Variants in RFX2 observed in about 807,000 individuals in gnomAD.
RFX2 encodes regulatory factor X2.
In RFX2, 20 loss-of-function variants were observed where a neutral mutation model predicts 87.8. The observed-to-expected ratio is 0.23, with a 90% CI of 0.16 to 0.33. RFX2 has a LOEUF of 0.33. Among genes scored for constraint, RFX2 ranks in the 10% least tolerant of loss-of-function variants. The pLI, the probability that RFX2 is intolerant of heterozygous loss-of-function variation, is 1.00. For synonymous variants in RFX2, 397 were observed against 431.3 expected (o/e 0.92, Z 0.98); for missense variants, 767 against 1,012.3 (o/e 0.76, Z 3.29).
chr19:6,039,646 T>C lies in RFX2; in HGVS notation c.522+334A>G, dbSNP rs1017969883. 1.3e-5 allele frequency among the ~76,000 whole-genome samples: 2 copies of C among 152,196 alleles called. No individual in the cohort carries two copies. The highest frequency in any genetic ancestry group is 2.4e-5 in the African/African-American group (1 of 41,458). On this transcript the variant is annotated intron_variant, in intron 5 of 17. Coordinates refer to ENST00000303657, the MANE Select transcript of RFX2 (RefSeq NM_000635.4). The surrounding 1 kb of genome is among the most constrained non-coding windows in gnomAD (Gnocchi z 5.2). Reference sequence around the variant, plus strand: ...TTGATCCACGCCTCTAAAAGCTTGATAGTAACAACGATAACAATAATAAGA... The same window carrying C: ...TTGATCCACGCCTCTAAAAGCTTGACAGTAACAACGATAACAATAATAAGA...
At chr19:6,032,487 G>C (rs768262850) in intron 5 of RFX2, among the ~76,000 whole-genome samples, 6 of 152,240 alleles carry the variant, frequency 3.9e-5, no homozygotes, top group Non-Finnish European at 8.8e-5. Context: ...TTTGAAGGCA[G>C]AGTGGTAAAT....
At chr19:6,069,229 T>C (rs1055933479) in intron 1 of RFX2, among the ~76,000 whole-genome samples, 4 of 152,198 alleles carry the variant, frequency 2.6e-5, no homozygotes, top group Non-Finnish European at 5.9e-5. Context: ...GAATGCAGGC[T>C]GGAGCCATCA....
rs1452564950 is a variant in RFX2 at position 6,007,345 on chromosome 19, G to A, written c.1248-179C>T. Among the ~76,000 whole-genome samples, 1 of 152,134 alleles carries A rather than the reference G, an allele frequency of 6.6e-6. No homozygotes were observed. The highest frequency in any genetic ancestry group is 1.5e-5 in the Non-Finnish European group (1 of 68,020). The stretch of plus-strand genomic sequence containing the variant: ...TCCATGTTGCTCCCGGCGCCTCCGT[G>A]TTTCCCCCTGTCCCTCACTGTCCAC... On this transcript the variant is annotated intron_variant, in intron 11 of 17. Transcript: ENST00000303657. This position sits in a 1 kb window ranked among gnomAD's most constrained non-coding sequence, Gnocchi z 8.2.
intron 1 of RFX2, among the ~76,000 whole-genome samples, chr19:6,104,084 G>T (rs1379312860): frequency 2.6e-5 from 4 of 151,832 alleles, no homozygotes; most frequent in African/African-American, 9.7e-5. Context: ...GCTAATAAAC[G>T]GTGGCACCAC....
intron 1 of RFX2, among the ~76,000 whole-genome samples, chr19:6,082,039 A>G (rs760629515): frequency 6.6e-6 from 1 of 152,106 alleles, no homozygotes; most frequent in Non-Finnish European, 1.5e-5. Context: ...GTGAGCTGAG[A>G]TCATGCCACT....
At position 6,010,149 on chromosome 19, in the gene RFX2, G is replaced by C. The variant is rs1200762191; in HGVS notation, c.1002C>G (p.His334Gln). 8 of 1,547,488 alleles carry C rather than the reference G, an allele frequency of 5.2e-6. No individual in the cohort carries two copies. The highest frequency in any genetic ancestry group is 6.1e-6 in the Non-Finnish European group (7 of 1,145,582). The change falls in exon 9 of 18, where the codon CAC (histidine) becomes CAG (glutamine). Residue 334 changes from histidine to glutamine, a missense_variant. Around this residue, in one of 2 missense-constraint regions of RFX2, gnomAD observed 621 missense variants for 873.0 expected, o/e 0.71. Transcript: ENST00000303657. The surrounding 1 kb of genome is among the most constrained non-coding windows in gnomAD (Gnocchi z 5.0). ...CGGGCCTCTCACCTATGTACTGCTG[G>C]TGGTGCTGGCTCTGCACGGCCATGG... ...EQTMAVQSQHHQQYIDVSHVF... is the reference protein window; with the variant it reads ...EQTMAVQSQHQQQYIDVSHVF...
rs1231789416 is a variant in RFX2 at position 6,040,998 on chromosome 19, C to T, written c.261-757G>A. 6.6e-6 allele frequency among the ~76,000 whole-genome samples: 1 copy of T among 152,180 alleles called. No homozygotes were observed. The highest frequency in any genetic ancestry group is 2.4e-5 in the African/African-American group (1 of 41,432). ...GCACACACGCAAAAGCACGTGCATA[C>T]AGACTGGTAGAACTGAATAAGGCCT... On this transcript the variant is annotated intron_variant, in intron 4 of 17. Transcript: ENST00000303657. This position sits in a 1 kb window ranked among gnomAD's most constrained non-coding sequence, Gnocchi z 6.1.
Position 6,022,430 on chromosome 19 carries a change from G to T in RFX2, c.597+3733C>A, listed in dbSNP as rs1481986740. On this transcript the variant is annotated intron_variant, in intron 6 of 17. Transcript: ENST00000303657. This position sits in a 1 kb window ranked among gnomAD's most constrained non-coding sequence, Gnocchi z 6.2. ...TTCCACACGCAGCTCTCTCCCGCAG[G>T]GTGTGCAAGTGATGTGTTTACTTTA... 6.6e-6 allele frequency among the ~76,000 whole-genome samples: 1 copy of T among 152,204 alleles called. No homozygotes were observed. The highest frequency in any genetic ancestry group is 1.5e-5 in the Non-Finnish European group (1 of 68,034).
intron 1 of RFX2, among the ~76,000 whole-genome samples, chr19:6,100,669 G>T (rs2088108154): frequency 6.6e-6 from 1 of 152,126 alleles, no homozygotes; most frequent in South Asian, 2.1e-4. Flanking sequence ...TAGGTGGGAG[G>T]CGCCATGTTG....
chr19:6,057,554 T>C (rs2087363448), intron 1 of RFX2, among the ~76,000 whole-genome samples: 1 of 152,182 alleles, frequency 6.6e-6, no homozygotes, highest in Non-Finnish European at 1.5e-5. Context: ...TGGTGATAAT[T>C]GGGGCAGAGT....
At chr19:6,071,617 T>A (rs1221540914) in intron 1 of RFX2, among the ~76,000 whole-genome samples, 1 of 152,188 alleles carries the variant, frequency 6.6e-6, no homozygotes, top group African/African-American at 2.4e-5. Context: ...TCTGTCCCCA[T>A]GAAAGTTTCA....
intron 5 of RFX2, among the ~76,000 whole-genome samples, chr19:6,032,532 C>T (rs116689230): frequency 0.015 from 2,254 of 152,250 alleles, 54 homozygotes; most frequent in African/African-American, 0.051. Context: ...AAAAGCCCAA[C>T]GCTGTGGTCC....
intron 1 of RFX2, among the ~76,000 whole-genome samples, chr19:6,097,433 G>C (rs1290557566): frequency 6.6e-6 from 1 of 152,114 alleles, no homozygotes. Flanking sequence ...CCTGCCCAAA[G>C]GACTGAGACA....
Position 6,010,021 on chromosome 19 carries a change from G to A in RFX2, c.1015+115C>T, listed in dbSNP as rs79172370. The A allele has an allele frequency of 1.1e-3, 604 of 548,150 alleles. 3 individuals are homozygous for A. Among genetic ancestry groups the A allele is most frequent in the African/African-American group, 9.6e-3 (520 of 53,984 alleles). 34.0% of individuals were successfully genotyped at this position (548,150 alleles called of 1,614,324 possible). A position where few individuals can be genotyped will look rare whatever the true frequency, so the allele number is the denominator to read the frequency against. ...TTCTATTTGTCCGAAAAGGTGTCTC[G>A]TAAGAAAACTGTCGGAAGCAGACGC... is the stretch of plus-strand genomic sequence containing the variant. On this transcript the variant is annotated intron_variant, in intron 9 of 17. Coordinates refer to ENST00000303657, the MANE Select transcript of RFX2 (RefSeq NM_000635.4). This position sits in a 1 kb window ranked among gnomAD's most constrained non-coding sequence, Gnocchi z 5.0.
rs1474694727 is a variant in RFX2 at position 6,074,588 on chromosome 19, C to A, written c.-8-27084G>T. Among the ~76,000 whole-genome samples the A allele has an allele frequency of 1.3e-5, 2 of 152,214 alleles. No homozygotes were observed. Among genetic ancestry groups the A allele is most frequent in the Non-Finnish European group, 2.9e-5 (2 of 68,036 alleles). ...GGAATGAAACAGATTGAGTCCCTGA[C>A]CATGTGGGGCTGACCCCTCAGGGAG... On this transcript the variant is annotated intron_variant, in intron 1 of 17. Coordinates refer to ENST00000303657, the MANE Select transcript of RFX2 (RefSeq NM_000635.4). This position sits in a 1 kb window ranked among gnomAD's most constrained non-coding sequence, Gnocchi z 5.2.
In RFX2 at chr19:6,002,134, C is replaced by T. The variant is rs1342052184; in HGVS notation, c.1651-111G>A. On this transcript the variant is annotated intron_variant, in intron 14 of 17. Coordinates refer to ENST00000303657, the MANE Select transcript of RFX2 (RefSeq NM_000635.4). This position sits in a 1 kb window ranked among gnomAD's most constrained non-coding sequence, Gnocchi z 6.7. ...ACATCGTGCTGTGCTTGAGCCTTCTCGCCCTTGACCTTGACAGCTGCAAGC... is the reference window on the plus strand; with the variant it reads ...ACATCGTGCTGTGCTTGAGCCTTCTTGCCCTTGACCTTGACAGCTGCAAGC... The T allele has an allele frequency of 4.3e-6, 4 of 933,070 alleles. No homozygotes were observed. The highest frequency in any genetic ancestry group is 3.4e-4 in the Middle Eastern group (1 of 2,908). The allele number at this position is 933,070 out of a possible 1,614,324, so 57.8% of individuals were successfully genotyped here. A position where few individuals can be genotyped will look rare whatever the true frequency, so the allele number is the denominator to read the frequency against.
Position 6,024,840 on chromosome 19 carries a change from C to T in RFX2, c.597+1323G>A, listed in dbSNP as rs1410617928. 8.8e-5 allele frequency among the ~76,000 whole-genome samples: 11 copies of T among 124,404 alleles called. No individual in the cohort carries two copies. Among genetic ancestry groups the T allele is most frequent in the Admixed American group, 6.4e-4 (8 of 12,590 alleles). The allele number at this position is 124,404 out of a possible 152,430, so 81.6% of individuals were successfully genotyped here. The stretch of plus-strand genomic sequence containing the variant: ...AGTGAGGACGGGATCACGGTGAGGA[C>T]GGGAGTGAGGACGGGATCACGGTGA... On this transcript the variant is annotated intron_variant, in intron 6 of 17. Coordinates refer to ENST00000303657, the MANE Select transcript of RFX2 (RefSeq NM_000635.4). This position sits in a 1 kb window ranked among gnomAD's most constrained non-coding sequence, Gnocchi z 5.0.
chr19:6,013,006 C>T lies in RFX2; in HGVS notation c.879G>A (p.Gln293=). 2 of 1,576,214 alleles carry T rather than the reference C, an allele frequency of 1.3e-6. No homozygotes were observed. The highest frequency in any genetic ancestry group is 8.6e-7 in the Non-Finnish European group (1 of 1,160,606). Residue 293 remains glutamine (Q), a synonymous_variant, in exon 8 of 18, where the codon CAG becomes CAA. Coordinates refer to ENST00000303657, the MANE Select transcript of RFX2 (RefSeq NM_000635.4). The surrounding 1 kb of genome is among the most constrained non-coding windows in gnomAD (Gnocchi z 4.1). ...EDTQYMAMRQ[Q]PMHQKPRYRP... Reference sequence around the variant, plus strand: ...CCCACCTGGGCTTCTGGTGCATGGGCTGCTGCCGCATGGCCATGTACTGCG... The same window carrying T: ...CCCACCTGGGCTTCTGGTGCATGGGTTGCTGCCGCATGGCCATGTACTGCG...
At chr19:6,086,276 T>C (rs1053541748) in intron 1 of RFX2, among the ~76,000 whole-genome samples, 10 of 152,090 alleles carry the variant, frequency 6.6e-5, no homozygotes, top group African/African-American at 2.4e-4. Flanking sequence ...TTCTCAGCAA[T>C]GCAACCTCAG....
Sources: allele counts gnomAD v4.1 joint callset (sites outside exome capture counted in the v4.1 genomes callset), GRCh38; gene constraint gnomAD v4.1.1; regional missense constraint gnomAD v4.1.1; non-coding constraint Gnocchi (gnomAD v3.1); transcripts MANE v1.5; gene names NCBI Gene and HGNC (gene_info 2026-07-23, HGNC 2026-07-21).